GOLM1: variants seen among roughly 807,000 people sequenced by gnomAD.
GOLM1 encodes epididymis luminal protein 46.
GOLM1 carries 31 observed loss-of-function variants against 50.5 expected under a neutral mutation model. The observed-to-expected ratio is 0.61, with a 90% CI of 0.46 to 0.83. The LOEUF is 0.83. Among genes scored for constraint, GOLM1 ranks in the 40% least tolerant of loss-of-function variants. The pLI, the probability that GOLM1 is intolerant of heterozygous loss-of-function variation, is 0.00. For synonymous variants in GOLM1, 178 were observed against 192.8 expected (o/e 0.92, Z 0.64); for missense variants, 491 against 501.3 (o/e 0.98, Z 0.20).
At chr9:86,082,606 A>G (rs1053521859) in intron 1 of GOLM1, among the ~76,000 whole-genome samples, 1 of 151,336 alleles carries the variant, frequency 6.6e-6, no homozygotes, top group South Asian at 2.1e-4. Flanking sequence ...ACGCCCAGCT[A>G]ATTTTTTCTA....
chr9:86,092,381 T>C (rs773642287), intron 1 of GOLM1, among the ~76,000 whole-genome samples: 1 of 152,228 alleles, frequency 6.6e-6, no homozygotes. Context: ...TTCTCCTGAC[T>C]CTGCCACCAA....
intron 4 of GOLM1, among the ~76,000 whole-genome samples, chr9:86,051,697 C>CTA (rs1342453570): frequency 1.3e-5 from 2 of 152,122 alleles, no homozygotes; most frequent in Non-Finnish European, 2.9e-5. Flanking sequence ...CATGTATGCT[C>CTA]TATCAAAACC....
intron 3 of GOLM1, among the ~76,000 whole-genome samples, chr9:86,056,250 A>G (rs1244076127): frequency 1.3e-5 from 2 of 151,922 alleles, no homozygotes; most frequent in Non-Finnish European, 2.9e-5. Context: ...TTCCAAAAAA[A>G]TATATTTTTG....
chr9:86,040,524 C>A (rs990373068), intron 6 of GOLM1, among the ~76,000 whole-genome samples: 8 of 152,258 alleles, frequency 5.3e-5, no homozygotes, highest in Middle Eastern at 6.8e-3. Flanking sequence ...CGATAATTCC[C>A]GTAAAGCCCT....
intron 3 of GOLM1, among the ~76,000 whole-genome samples, chr9:86,052,897 C>T (rs1468977062): frequency 7.4e-6 from 1 of 134,292 alleles, no homozygotes; most frequent in Admixed American, 8.0e-5. Context: ...TCCTCCTGCC[C>T]GACACAGCAG....
intron 3 of GOLM1, among the ~76,000 whole-genome samples, chr9:86,053,439 C>CA (rs1564347210): frequency 2.1e-4 from 1 of 4,858 alleles, no homozygotes. Flanking sequence ...ACACCACACA[C>CA]CATTCCATAC....
intron 3 of GOLM1, among the ~76,000 whole-genome samples, chr9:86,054,269 T>C (rs1297699755): frequency 1.5e-5 from 2 of 136,712 alleles, no homozygotes; most frequent in African/African-American, 5.7e-5. Context: ...CTCATTGACT[T>C]TTTTTTTTTT....
chr9:86,087,859 T>C (rs980108792), intron 1 of GOLM1, among the ~76,000 whole-genome samples: 1 of 152,224 alleles, frequency 6.6e-6, no homozygotes, highest in African/African-American at 2.4e-5. Context: ...TATTGAGGAT[T>C]TCCCCATCGA....
chr9:86,097,267 C>A (rs954894095), intron 1 of GOLM1, among the ~76,000 whole-genome samples: 2 of 152,070 alleles, frequency 1.3e-5, no homozygotes, highest in Non-Finnish European at 2.9e-5. Flanking sequence ...TATCATTCGC[C>A]CTTTTCTAAG....
intron 1 of GOLM1, among the ~76,000 whole-genome samples, chr9:86,098,649 A>T (rs1056573985): frequency 1.3e-5 from 2 of 152,264 alleles, no homozygotes; most frequent in Non-Finnish European, 2.9e-5. Flanking sequence ...AAATTTTGCT[A>T]AAAAATTTCA....
In GOLM1 at chr9:86,026,718, C is replaced by T. The variant is rs926366685; in HGVS notation, c.*1099G>A. 18 of 982,192 alleles carry T rather than the reference C, an allele frequency of 1.8e-5. No homozygotes were observed. Among genetic ancestry groups the T allele is most frequent in the Non-Finnish European group, 2.2e-5 (18 of 827,176 alleles). 60.8% of individuals were successfully genotyped at this position (982,192 alleles called of 1,614,324 possible). A position where few individuals can be genotyped will look rare whatever the true frequency, so the allele number is the denominator to read the frequency against. The stretch of plus-strand genomic sequence containing the variant: ...TACTAAGAACCAACTCAAGTCAAAC[C>T]TTAATGCCATTGTTATTGTGAATTA... On this transcript the variant is annotated 3_prime_UTR_variant, in exon 10 of 10. Transcript: ENST00000388712.
chr9:86,093,396 AAAC>A (rs1056142691), intron 1 of GOLM1, among the ~76,000 whole-genome samples: 2 of 148,080 alleles, frequency 1.4e-5, no homozygotes, highest in Non-Finnish European at 3.0e-5. Flanking sequence ...AAAAAAAAAG[AAAC>A]AACAACAAAA....
chr9:86,074,492 A>C (rs1357586484), intron 3 of GOLM1, among the ~76,000 whole-genome samples: 1 of 152,090 alleles, frequency 6.6e-6, no homozygotes, highest in African/African-American at 2.4e-5. Context: ...GGTTTCCTCT[A>C]TCCCCCTTCC....
intron 3 of GOLM1, among the ~76,000 whole-genome samples, chr9:86,053,641 C>CA (rs1564347529): frequency 7.9e-4 from 31 of 39,036 alleles, no homozygotes; most frequent in Middle Eastern, 0.022. Flanking sequence ...ACAAAACACA[C>CA]ACCACACCAT....
intron 4 of GOLM1, among the ~76,000 whole-genome samples, chr9:86,052,123 A>T (rs1041924217): frequency 1.6e-4 from 25 of 152,268 alleles, no homozygotes; most frequent in African/African-American, 6.0e-4. Flanking sequence ...CCCAGCTGCC[A>T]AGTTGAGTCA....
intron 3 of GOLM1, among the ~76,000 whole-genome samples, chr9:86,054,032 C>T (rs1243447036): frequency 6.6e-6 from 1 of 152,196 alleles, no homozygotes; most frequent in Non-Finnish European, 1.5e-5. Flanking sequence ...GCCTCCTTCT[C>T]CTGTCCACAG....
chr9:86,030,898 A>C (rs994815044), intron 9 of GOLM1, among the ~76,000 whole-genome samples: 1 of 152,240 alleles, frequency 6.6e-6, no homozygotes, highest in Non-Finnish European at 1.5e-5. Context: ...TAAATGAATA[A>C]TGCATTGCCC....
chr9:86,090,764 G>A (rs565620444), intron 1 of GOLM1, among the ~76,000 whole-genome samples: 99 of 133,436 alleles, frequency 7.4e-4, no homozygotes, highest in African/African-American at 2.2e-3. Flanking sequence ...TCTCGCTGGC[G>A]TTCCAAGTGC....
Position 86,049,109 on chromosome 9 carries a change from C to T in GOLM1, c.365-2537G>A, listed in dbSNP as rs903687026. 1.3e-5 allele frequency among the ~76,000 whole-genome samples: 2 copies of T among 152,298 alleles called. 1 individual carries two copies. Among genetic ancestry groups the T allele is most frequent in the African/African-American group, 4.8e-5 (2 of 41,564 alleles). On this transcript the variant is annotated intron_variant, in intron 4 of 9. Transcript: ENST00000388712. Reference sequence around the variant, plus strand: ...TCTACATATGGATAGCCAGTTTTCCCAGCACCATTTATTAAATAGGGAATC... The same window carrying T: ...TCTACATATGGATAGCCAGTTTTCCTAGCACCATTTATTAAATAGGGAATC...
Sources: allele counts gnomAD v4.1 joint callset (sites outside exome capture counted in the v4.1 genomes callset), GRCh38; gene constraint gnomAD v4.1.1; transcripts MANE v1.5; gene names NCBI Gene and HGNC (gene_info 2026-07-23, HGNC 2026-07-21).